Variants in CYFIP2 observed in about 807,000 individuals in gnomAD.
The protein encoded by CYFIP2 is cytoplasmic FMR1 interacting protein 2.
Under a neutral mutation model 158.7 loss-of-function variants are expected in CYFIP2, and 29 were observed. The ratio of observed to expected loss-of-function variants is 0.18; its 90% CI spans 0.14 to 0.25. The LOEUF is 0.25. Among genes scored for constraint, CYFIP2 ranks in the 10% least tolerant of loss-of-function variants. The probability of loss-of-function intolerance (pLI) is 1.00; values close to 1 mark genes in which losing one functional copy is unlikely to be tolerated. For synonymous variants in CYFIP2, 585 were observed against 617.6 expected (o/e 0.95, Z 0.78); for missense variants, 852 against 1,639.5 (o/e 0.52, Z 8.29).
intron 15 of CYFIP2, chr5:157,322,856 C>T: frequency 8.3e-7 from 1 of 1,206,740 alleles, no homozygotes; most frequent in Non-Finnish European, 1.2e-6. Flanking sequence ...TTGCTTTTCT[C>T]TCTCTCTCTC....
At position 157,304,226 on chromosome 5, in the gene CYFIP2, G is replaced by A. The variant is rs1198387833; in HGVS notation, c.667-12G>A. The A allele has an allele frequency of 7.5e-6, 12 of 1,610,252 alleles. No homozygotes were observed. Among genetic ancestry groups the A allele is most frequent in the East Asian group, 2.2e-5 (1 of 44,850 alleles). On this transcript the variant is annotated splice_polypyrimidine_tract_variant and intron_variant, in intron 7 of 30. Transcript: ENST00000620254. ...ATGCGCTGCCTAACCTGAGGGTGGC[G>A]CTGCTGTTCAGTGTCTCCACCAGCA...
At chr5:157,328,169 G>C (rs536024092) in intron 19 of CYFIP2, 120 bp downstream of exon 19, 1 of 938,810 alleles carries the variant, frequency 1.1e-6, no homozygotes, top group Non-Finnish European at 1.6e-6. Flanking sequence ...GCCATTCCAC[G>C]GACCCGGACT....
intron 19 of CYFIP2, among the ~76,000 whole-genome samples, chr5:157,329,949 A>C (rs1346078823): frequency 1.3e-5 from 2 of 152,166 alleles, no homozygotes; most frequent in African/African-American, 4.8e-5. Context: ...TCATGTTATA[A>C]ATTCATTTTG....
intron 1 of CYFIP2, among the ~76,000 whole-genome samples, chr5:157,281,512 A>G (rs898135179): frequency 6.6e-6 from 1 of 152,198 alleles, no homozygotes; most frequent in Non-Finnish European, 1.5e-5. Flanking sequence ...GGCTCATCTA[A>G]CAGTAACAAA....
chr5:157,322,098 C>T (rs1408968979), intron 15 of CYFIP2, among the ~76,000 whole-genome samples: 2 of 152,180 alleles, frequency 1.3e-5, no homozygotes, highest in Non-Finnish European at 2.9e-5. Flanking sequence ...CCGCCTCACC[C>T]CCAACCTCTA....
chr5:157,383,266 G>C lies in CYFIP2; in HGVS notation c.3114G>C (p.Glu1038Asp). 6.2e-7 allele frequency: 1 copy of C among 1,613,606 alleles called. No individual in the cohort carries two copies. The highest frequency in any genetic ancestry group is 1.7e-4 in the Middle Eastern group (1 of 6,058). The change falls in exon 28 of 31, where the codon GAG becomes GAC. Residue 1038 changes from glutamate to aspartate, a missense_variant and splice_region_variant. Around this residue, in one of 8 missense-constraint regions of CYFIP2, gnomAD observed 223 missense variants for 381.6 expected, o/e 0.58. Transcript: ENST00000620254. ...QNILPRVYIK[E>D]GERLEVRMKR... ...TCTGCTCTGCGACTCCTTTTGCAGA[G>C]GGGGAGCGCCTGGAGGTCCGGATGA...
intron 21 of CYFIP2, among the ~76,000 whole-genome samples, chr5:157,334,329 G>A (rs1761702342): frequency 6.6e-6 from 1 of 152,194 alleles, no homozygotes; most frequent in South Asian, 2.1e-4. Context: ...AAAGGATGGT[G>A]CTGATAGTTG....
At chr5:157,365,366 T>C (rs1764267235) in intron 26 of CYFIP2, 2 of 152,222 alleles carry the variant, frequency 1.3e-5, no homozygotes, top group African/African-American at 4.8e-5. Context: ...GATTAATATA[T>C]CATTGATAGG....
intron 1 of CYFIP2, among the ~76,000 whole-genome samples, chr5:157,283,888 C>T (rs745965520): frequency 6.6e-6 from 1 of 152,078 alleles, no homozygotes; most frequent in Non-Finnish European, 1.5e-5. Flanking sequence ...CACTGTATTT[C>T]CTAACAAGCA....
chr5:157,382,534 A>G, intron 26 of CYFIP2, 56 bp from the exon 27 acceptor site: 1 of 1,593,018 alleles, frequency 6.3e-7, no homozygotes. Context: ...GGAATGAAAA[A>G]TCTTCCTGGT....
intron 5 of CYFIP2, 52 bp downstream of exon 5, chr5:157,296,826 T>C: frequency 6.9e-7 from 1 of 1,445,910 alleles, no homozygotes; most frequent in Admixed American, 1.8e-5. Flanking sequence ...GGCCCCTAGT[T>C]TTCTAACCAC....
At chr5:157,391,227 C>T (rs949991405) in intron 30 of CYFIP2, among the ~76,000 whole-genome samples, 1 of 152,054 alleles carries the variant, frequency 6.6e-6, no homozygotes. Flanking sequence ...GAAGGCGGAT[C>T]GAAGGGTGGG....
At chr5:157,351,510 C>G (rs562284343) in intron 23 of CYFIP2, among the ~76,000 whole-genome samples, 15 of 152,224 alleles carry the variant, frequency 9.9e-5, no homozygotes, top group Non-Finnish European at 2.2e-4. Context: ...CATGTGTGTT[C>G]TCGTTTTACA....
intron 4 of CYFIP2, among the ~76,000 whole-genome samples, chr5:157,295,196 G>A (rs1020345294): frequency 2.6e-5 from 4 of 152,116 alleles, no homozygotes; most frequent in Admixed American, 6.5e-5. Flanking sequence ...CCCACATCCC[G>A]CCATGGGATG....
At chr5:157,380,390 TCCC>T (rs1765932036) in intron 26 of CYFIP2, among the ~76,000 whole-genome samples, 1 of 152,204 alleles carries the variant, frequency 6.6e-6, no homozygotes, top group African/African-American at 2.4e-5. Context: ...CTGAATTCAT[TCCC>T]CAAGTTAGTC....
chr5:157,383,535 T>C, intron 28 of CYFIP2, 176 bp downstream of exon 28: 1 of 578,550 alleles, frequency 1.7e-6, no homozygotes, highest in Non-Finnish European at 3.1e-6. Context: ...TGAGATTTGC[T>C]GACTCTCAGG....
chr5:157,342,071 C>G (rs78141548), intron 23 of CYFIP2: 2,103 of 152,718 alleles, frequency 0.014, 23 homozygotes, highest in Non-Finnish European at 0.022. Context: ...AACACTGGAT[C>G]TCCCTTTTTA....
At chr5:157,386,927 T>TAAAA (rs554742130) in intron 28 of CYFIP2, among the ~76,000 whole-genome samples, 1 of 132,472 alleles carries the variant, frequency 7.5e-6, no homozygotes, top group Non-Finnish European at 1.6e-5. Flanking sequence ...CTCGAAGATT[T>TAAAA]AAAAAAAAAA....
At chr5:157,348,810 T>C (rs576463090) in intron 23 of CYFIP2, among the ~76,000 whole-genome samples, 310 of 152,252 alleles carry the variant, frequency 2.0e-3, no homozygotes, top group African/African-American at 6.1e-3. Context: ...CTGTCTTAAA[T>C]CTGCAGCAAT....
Sources: allele counts gnomAD v4.1 joint callset (sites outside exome capture counted in the v4.1 genomes callset), GRCh38; gene constraint gnomAD v4.1.1; regional missense constraint gnomAD v4.1.1; transcripts MANE v1.5; gene names NCBI Gene and HGNC (gene_info 2026-07-23, HGNC 2026-07-21).